The following ADGRV1 variants were observed in gnomAD, a reference collection of about 807,000 sequenced individuals.
The protein encoded by ADGRV1 is G-protein coupled receptor 98.
Under a neutral mutation model 596.2 loss-of-function variants are expected in ADGRV1, and 359 were observed. The ratio of observed to expected loss-of-function variants is 0.60; its 90% CI spans 0.55 to 0.66. The LOEUF (loss-of-function observed/expected upper bound fraction) is 0.66. Among genes scored for constraint, ADGRV1 ranks in the 30% least tolerant of loss-of-function variants. ADGRV1 has a pLI of 0.00. For synonymous variants in ADGRV1, 2,681 were observed against 2,679.2 expected, an observed-to-expected ratio of 1.00 and a Z score of -0.02; for missense variants, 7,274 against 7,575.6, an observed-to-expected ratio of 0.96 and a Z score of 1.48.
At chr5:90,682,837 A>G (rs1473973671) in intron 27 of ADGRV1, among the ~76,000 whole-genome samples, 1 of 151,858 alleles carries the variant, frequency 6.6e-6, no homozygotes, top group African/African-American at 2.4e-5. Context: ...TTTCATTCTT[A>G]ACATATTATT....
intron 15 of ADGRV1, among the ~76,000 whole-genome samples, chr5:90,645,653 C>G (rs939804500): frequency 5.3e-4 from 81 of 152,128 alleles, no homozygotes; most frequent in African/African-American, 1.9e-3. Context: ...AACATGTCTC[C>G]CATTTTCCTG....
At chr5:90,663,111 C>A (rs1770659151) in intron 21 of ADGRV1, among the ~76,000 whole-genome samples, 1 of 150,412 alleles carries the variant, frequency 6.6e-6, no homozygotes, top group African/African-American at 2.5e-5. Flanking sequence ...ATTTACAGTC[C>A]TTTGGGTATA....
chr5:91,007,991 A>G (rs1581774550), intron 85 of ADGRV1, among the ~76,000 whole-genome samples: 1 of 152,228 alleles, frequency 6.6e-6, no homozygotes, highest in East Asian at 1.9e-4. Context: ...TTATTATTCT[A>G]TGTTATTCTA....
chr5:90,945,559 A>T (rs984618468), intron 83 of ADGRV1, among the ~76,000 whole-genome samples: 1 of 152,104 alleles, frequency 6.6e-6, no homozygotes, highest in South Asian at 2.1e-4. Flanking sequence ...CTAAAATCAA[A>T]CTCCACTGAG....
Position 90,776,467 on chromosome 5 carries a change from A to G in ADGRV1, c.12418A>G (p.Ile4140Val). Residue 4140 changes from isoleucine (I) to valine (V), a missense_variant, in exon 61 of 90, where the codon ATT (isoleucine) becomes GTT (valine). By Grantham distance (29) the Ile-to-Val change is conservative (BLOSUM62 3). This residue lies in a region of ADGRV1 where 3,643 missense variants were observed against 3,809.2 expected (regional missense o/e 0.96). Transcript: ENST00000405460. Reference protein sequence around the residue: ...ISPVKGSASIIIRGDKRASGE... With the variant: ...ISPVKGSASIVIRGDKRASGE... ...CTTGAATTTAGGTAGTGCATCAATA[A>G]TTATTCGGGGTGATAAGCGAGCATC... The G allele has an allele frequency of 1.2e-6, 2 of 1,612,512 alleles. No individual in the cohort carries two copies. The highest frequency in any genetic ancestry group is 1.7e-6 in the Non-Finnish European group (2 of 1,179,044).
At chr5:90,682,509 G>A (rs937617193) in intron 27 of ADGRV1, among the ~76,000 whole-genome samples, 2 of 152,206 alleles carry the variant, frequency 1.3e-5, no homozygotes, top group Non-Finnish European at 2.9e-5. Context: ...TGTTCCAGTA[G>A]AAATTAGGAA....
chr5:91,007,844 G>A (rs1782405725), intron 85 of ADGRV1, among the ~76,000 whole-genome samples: 1 of 152,074 alleles, frequency 6.6e-6, no homozygotes, highest in Non-Finnish European at 1.5e-5. Context: ...AAAAATCTGA[G>A]AAACACTGCT....
chr5:91,143,577 A>C (rs1033606825), intron 87 of ADGRV1, among the ~76,000 whole-genome samples: 3 of 152,156 alleles, frequency 2.0e-5, no homozygotes, highest in Admixed American at 2.0e-4. Context: ...TCAAGTGCTC[A>C]AGGCTGGCTG....
chr5:90,922,174 T>C (rs1773941920), intron 83 of ADGRV1, among the ~76,000 whole-genome samples: 1 of 152,224 alleles, frequency 6.6e-6, no homozygotes, highest in Non-Finnish European at 1.5e-5. Flanking sequence ...ACTGCCACAC[T>C]GTATGGTGTC....
chr5:90,989,554 G>A (rs762914661), intron 85 of ADGRV1, among the ~76,000 whole-genome samples: 11 of 144,492 alleles, frequency 7.6e-5, no homozygotes, highest in South Asian at 2.3e-4. Flanking sequence ...GGTATGTTGC[G>A]TTGCCTCCTA....
Position 90,774,202 on chromosome 5 carries a change from C to T in ADGRV1, c.12302C>T (p.Thr4101Ile). 6.2e-7 allele frequency: 1 copy of T among 1,603,438 alleles called. No individual in the cohort carries two copies. Among genetic ancestry groups the T allele is most frequent in the Non-Finnish European group, 8.5e-7 (1 of 1,171,922 alleles). Reference protein sequence around the residue: ...LHFDETESQKTIVLHTLQDTV... With the variant: ...LHFDETESQKIIVLHTLQDTV... Reference sequence around the variant, plus strand: ...TGGATGTAGACTGAGTCCCAGAAGACCATTGTGTTGCACACACTTCAAGAC... The same window carrying T: ...TGGATGTAGACTGAGTCCCAGAAGATCATTGTGTTGCACACACTTCAAGAC... Residue 4101 changes from threonine (T) to isoleucine (I), a missense_variant, in exon 60 of 90, where the codon ACC (threonine) becomes ATC (isoleucine). This residue lies in a region of ADGRV1 where 3,643 missense variants were observed against 3,809.2 expected (regional missense o/e 0.96). Transcript: ENST00000405460.
At chr5:90,958,213 G>C (rs924517762) in intron 83 of ADGRV1, among the ~76,000 whole-genome samples, 2 of 148,320 alleles carry the variant, frequency 1.3e-5, no homozygotes, top group African/African-American at 5.0e-5. Flanking sequence ...GAGTCCAGGA[G>C]GATGAGGCTG....
intron 85 of ADGRV1, among the ~76,000 whole-genome samples, chr5:91,053,092 G>C (rs1010272582): frequency 6.6e-6 from 1 of 152,080 alleles, no homozygotes; most frequent in African/African-American, 2.4e-5. Flanking sequence ...ATTTTCATTG[G>C]GTTGAAGGGA....
chr5:91,035,105 A>C (rs1784758406), intron 85 of ADGRV1, among the ~76,000 whole-genome samples: 2 of 152,110 alleles, frequency 1.3e-5, no homozygotes. Context: ...TAACACAGGG[A>C]CTTTTGCAAT....
chr5:90,579,553 G>A (rs1481988469), intron 1 of ADGRV1, among the ~76,000 whole-genome samples: 4 of 152,190 alleles, frequency 2.6e-5, no homozygotes, highest in African/African-American at 9.7e-5. Flanking sequence ...GAATAAGTGT[G>A]ATGTGGTGCT....
intron 84 of ADGRV1, among the ~76,000 whole-genome samples, chr5:90,974,122 C>T (rs1779329674): frequency 1.3e-5 from 2 of 152,030 alleles, no homozygotes; most frequent in South Asian, 2.1e-4. Flanking sequence ...GAATAAAATA[C>T]CTAGGAATCC....
intron 87 of ADGRV1, among the ~76,000 whole-genome samples, chr5:91,123,994 G>A (rs577170858): frequency 3.2e-4 from 48 of 152,310 alleles, no homozygotes; most frequent in Admixed American, 1.8e-3. Context: ...GGGCAGGCCA[G>A]TGGGATGCAT....
At chr5:90,654,694 T>C (rs1265714616) in intron 20 of ADGRV1, 1 of 152,192 alleles carries the variant, frequency 6.6e-6, no homozygotes, top group African/African-American at 2.4e-5. Context: ...CTTAATAGAG[T>C]ATTTTCCTCT....
chr5:90,917,696 T>A (rs1028227998), intron 83 of ADGRV1, among the ~76,000 whole-genome samples: 1 of 152,176 alleles, frequency 6.6e-6, no homozygotes, highest in Non-Finnish European at 1.5e-5. Flanking sequence ...GAGTCTCATT[T>A]TGTATTGTTT....
Sources: gnomAD v4.1 joint callset for allele counts (sites outside exome capture counted in the v4.1 genomes callset) on GRCh38, gnomAD v4.1.1 for gene constraint, gnomAD v4.1.1 regional missense constraint, MANE v1.5 for transcripts, NCBI Gene and HGNC (gene_info 2026-07-23, HGNC 2026-07-21) for gene names.